The following DCLK1 variants were observed in gnomAD, a reference collection of about 807,000 sequenced individuals.
DCLK1 encodes serine/threonine-protein kinase DCLK1.
DCLK1 carries 16 observed loss-of-function variants against 86.2 expected under a neutral mutation model. The observed-to-expected ratio is 0.19, with a 90% CI of 0.13 to 0.28. The LOEUF is 0.28. Among genes scored for constraint, DCLK1 ranks in the 10% least tolerant of loss-of-function variants. The pLI, the probability that DCLK1 is intolerant of heterozygous loss-of-function variation, is 1.00. For missense variants in DCLK1, 590 were observed against 940.2 expected, an observed-to-expected ratio of 0.63 and a Z score of 4.87; for synonymous variants, 369 against 370.5, an observed-to-expected ratio of 1.00 and a Z score of 0.05.
intron 8 of DCLK1, among the ~76,000 whole-genome samples, chr13:35,831,929 G>T (rs1285035088): frequency 6.6e-6 from 1 of 152,146 alleles, no homozygotes; most frequent in Non-Finnish European, 1.5e-5. Context: ...TCAACTGAGT[G>T]ATTCCCAACT....
rs114759223 is a variant in DCLK1 at position 36,015,045 on chromosome 13, C to A, written c.724-67588G>T. On this transcript the variant is annotated intron_variant, in intron 3 of 16. Transcript: ENST00000360631. ...CTCTCTCTCTCCCTATCCGCCCCCCCACACAATTTTTGATGTGATTGCATC... is the reference window on the plus strand; with the variant it reads ...CTCTCTCTCTCCCTATCCGCCCCCCAACACAATTTTTGATGTGATTGCATC... Among the ~76,000 whole-genome samples the A allele has an allele frequency of 4.1e-3, 623 of 151,974 alleles. 5 individuals are homozygous for A. The highest frequency in any genetic ancestry group is 0.014 in the African/African-American group (583 of 41,434).
Position 35,771,089 on chromosome 13 carries a change from G to A in DCLK1, c.*3446C>T, listed in dbSNP as rs1482280219. Reference sequence around the variant, plus strand: ...CAAGGGATAGAGTTGTCTAGTGGACGCCCTTGGCCAGTAAACAACCATGAT... The same window carrying A: ...CAAGGGATAGAGTTGTCTAGTGGACACCCTTGGCCAGTAAACAACCATGAT... On this transcript the variant is annotated 3_prime_UTR_variant, in exon 17 of 17. Coordinates refer to ENST00000360631, the MANE Select transcript of DCLK1 (RefSeq NM_001330071.2). The A allele has an allele frequency of 2.6e-5, 4 of 152,312 alleles. No homozygotes were observed. The highest frequency in any genetic ancestry group is 1.9e-4 in the East Asian group (1 of 5,188). 9.4% of individuals were successfully genotyped at this position (152,312 alleles called of 1,614,324 possible).
At chr13:35,984,578 C>T (rs1221159214) in intron 3 of DCLK1, among the ~76,000 whole-genome samples, 1 of 152,230 alleles carries the variant, frequency 6.6e-6, no homozygotes, top group East Asian at 1.9e-4. Context: ...TCTGCCTCTG[C>T]TCGCTAAAGT....
intron 6 of DCLK1, among the ~76,000 whole-genome samples, chr13:35,852,703 T>A (rs944362771): frequency 1.4e-4 from 22 of 151,998 alleles, no homozygotes; most frequent in African/African-American, 5.1e-4. Flanking sequence ...CATACTGAAG[T>A]GGAAATACAG....
chr13:36,096,926 C>T lies in DCLK1; in HGVS notation c.723+14943G>A, dbSNP rs73527245. Among the ~76,000 whole-genome samples, 1,285 of 152,148 alleles carry T rather than the reference C, an allele frequency of 8.4e-3. 15 individuals are homozygous for T. The highest frequency in any genetic ancestry group is 0.029 in the African/African-American group (1,202 of 41,516). ...AAGTCTGGAGTGAGCTCAGAAATGC[C>T]GTATGTGCAAAGAGTGCAAAGATAA... On this transcript the variant is annotated intron_variant, in intron 3 of 16. Transcript: ENST00000360631.
intron 4 of DCLK1, among the ~76,000 whole-genome samples, chr13:35,928,438 C>T (rs1412333922): frequency 6.6e-6 from 1 of 152,180 alleles, no homozygotes; most frequent in Non-Finnish European, 1.5e-5. Flanking sequence ...TCCATTACCC[C>T]TCAAGTCTTT....
In DCLK1 at chr13:35,841,236, T is replaced by G. The variant is rs558464009; in HGVS notation, c.1036-2060A>C. 6.6e-5 allele frequency among the ~76,000 whole-genome samples: 10 copies of G among 152,360 alleles called. No homozygotes were observed. The East Asian group carries it at 1.9e-3, about 29-fold the overall frequency. ...CAAATTAATAGAGCAGTAGCATGTT[T>G]CCTAGCAAAGATGTTCACAATTTAG... On this transcript the variant is annotated intron_variant, in intron 6 of 16. Coordinates refer to ENST00000360631, the MANE Select transcript of DCLK1 (RefSeq NM_001330071.2).
chr13:35,981,641 G>A (rs1269897461), intron 3 of DCLK1, among the ~76,000 whole-genome samples: 1 of 152,120 alleles, frequency 6.6e-6, no homozygotes, highest in Non-Finnish European at 1.5e-5. Flanking sequence ...TTTTAAAGCT[G>A]AATAATCATC....
intron 1 of DCLK1, among the ~76,000 whole-genome samples, chr13:36,129,384 T>A (rs546824565): frequency 1.2e-4 from 18 of 152,350 alleles, no homozygotes; most frequent in African/African-American, 4.3e-4. Context: ...GATCACAGGT[T>A]CATCCAGGGC....
chr13:35,949,646 C>T (rs1445611183), intron 3 of DCLK1, among the ~76,000 whole-genome samples: 1 of 152,200 alleles, frequency 6.6e-6, no homozygotes, highest in Non-Finnish European at 1.5e-5. Flanking sequence ...TTGCTAACCA[C>T]ATCCTACTCA....
At chr13:35,988,730 C>G (rs1341827291) in intron 3 of DCLK1, among the ~76,000 whole-genome samples, 2 of 152,190 alleles carry the variant, frequency 1.3e-5, no homozygotes, top group Non-Finnish European at 2.9e-5. Context: ...ACTAGTGTGT[C>G]TTGACAAATA....
rs1020222235 is a variant in DCLK1 at position 36,131,223 on chromosome 13, G to C, written c.-129C>G. On this transcript the variant is annotated 5_prime_UTR_variant, in exon 1 of 17. Transcript: ENST00000360631. ...GCCGGGGCTGCGGGGCTGCAGGGCT[G>C]GGGGGCGGCGGCGGGGCCGGGCTGG... 1 of 154,388 alleles carries C rather than the reference G, an allele frequency of 6.5e-6. No individual in the cohort carries two copies. The highest frequency in any genetic ancestry group is 1.4e-5 in the Non-Finnish European group (1 of 69,908). 9.6% of individuals were successfully genotyped at this position (154,388 alleles called of 1,614,324 possible). A position where few individuals can be genotyped will look rare whatever the true frequency, so the allele number is the denominator to read the frequency against.
At chr13:35,872,654 C>T (rs1481033785) in intron 4 of DCLK1, among the ~76,000 whole-genome samples, 1 of 152,112 alleles carries the variant, frequency 6.6e-6, no homozygotes, top group Non-Finnish European at 1.5e-5. Flanking sequence ...AAAATATTTA[C>T]CGACCCTTTT....
At chr13:35,882,925 G>C (rs1457253836) in intron 4 of DCLK1, among the ~76,000 whole-genome samples, 1 of 152,118 alleles carries the variant, frequency 6.6e-6, no homozygotes, top group African/African-American at 2.4e-5. Context: ...TAAGAACTTT[G>C]CCAAGAATTA....
chr13:36,014,015 C>A (rs1288058915), intron 3 of DCLK1, among the ~76,000 whole-genome samples: 1 of 152,226 alleles, frequency 6.6e-6, no homozygotes, highest in Non-Finnish European at 1.5e-5. Context: ...AAAGGGAACT[C>A]CCTGACCCCT....
intron 6 of DCLK1, among the ~76,000 whole-genome samples, chr13:35,843,014 G>A (rs1042392405): frequency 3.4e-4 from 52 of 152,152 alleles, no homozygotes; most frequent in African/African-American, 1.2e-3. Flanking sequence ...ATGTGTAAGT[G>A]CTTGCTCTTT....
At chr13:35,941,015 G>A (rs191543503) in intron 4 of DCLK1, among the ~76,000 whole-genome samples, 17 of 152,136 alleles carry the variant, frequency 1.1e-4, no homozygotes, top group Admixed American at 7.8e-4. Flanking sequence ...TTTGAGGTCC[G>A]TTACAACACA....
chr13:36,013,608 G>A (rs1566645733), intron 3 of DCLK1, among the ~76,000 whole-genome samples: 1 of 152,112 alleles, frequency 6.6e-6, no homozygotes, highest in Non-Finnish European at 1.5e-5. Flanking sequence ...GCTGCGTGCT[G>A]GGAGAACCAC....
intron 16 of DCLK1, among the ~76,000 whole-genome samples, chr13:35,787,167 T>A (rs2153098682): frequency 6.6e-6 from 1 of 151,954 alleles, no homozygotes; most frequent in East Asian, 1.9e-4. Flanking sequence ...TACATATATA[T>A]TTTAATTTTT....
Sources: allele counts gnomAD v4.1 joint callset (sites outside exome capture counted in the v4.1 genomes callset), GRCh38; gene constraint gnomAD v4.1.1; transcripts MANE v1.5; gene names NCBI Gene and HGNC (gene_info 2026-07-23, HGNC 2026-07-21).